CCDC148: variants seen among roughly 807,000 people sequenced by gnomAD.
CCDC148 encodes the protein coiled-coil domain-containing protein 148.
A neutral mutation model predicts 85.7 loss-of-function variants in CCDC148; 89 were observed. The ratio of observed to expected loss-of-function variants is 1.04; its 90% CI spans 0.87 to 1.24. CCDC148 has a LOEUF of 1.24. Ranked by LOEUF, CCDC148 falls within the 50% of genes most tolerant of loss-of-function variation. The probability of loss-of-function intolerance (pLI) is 0.00; values close to 1 mark genes in which losing one functional copy is unlikely to be tolerated. For missense variants in CCDC148, 692 were observed against 671.7 expected (o/e 1.03, Z -0.33); for synonymous variants, 230 against 213.9 (o/e 1.08, Z -0.66).
In CCDC148 at chr2:158,209,310, C is replaced by T. The variant is rs565338420; in HGVS notation, c.1370+11285G>A. Among the ~76,000 whole-genome samples, 230 of 152,178 alleles carry T rather than the reference C, an allele frequency of 1.5e-3. 2 individuals are homozygous for T. The highest frequency in any genetic ancestry group is 5.3e-3 in the African/African-American group (219 of 41,524). ...CTATACCAGCTAAGTTTCTGCCTAC[C>T]TAGCCCTGCAGCTTTATAAAATCTT... is the stretch of plus-strand genomic sequence containing the variant. On this transcript the variant is annotated intron_variant, in intron 11 of 13. Coordinates refer to ENST00000283233, the MANE Select transcript of CCDC148 (RefSeq NM_138803.4).
intron 1 of CCDC148, among the ~76,000 whole-genome samples, chr2:158,434,842 G>A (rs1574816256): frequency 6.6e-6 from 1 of 152,186 alleles, no homozygotes; most frequent in Non-Finnish European, 1.5e-5. Context: ...ACAAGCTTTA[G>A]TAGCCAATTT....
chr2:158,324,966 C>T (rs74551933), intron 7 of CCDC148, among the ~76,000 whole-genome samples: 3,870 of 152,048 alleles, frequency 0.025, 170 homozygotes, highest in African/African-American at 0.089. Context: ...TGTACTAAAT[C>T]CCAACTCTCC....
chr2:158,259,160 C>T (rs1296282812), intron 9 of CCDC148, among the ~76,000 whole-genome samples: 1 of 151,850 alleles, frequency 6.6e-6, no homozygotes, highest in Non-Finnish European at 1.5e-5. Context: ...TATTCAATCC[C>T]AAATTTCTGC....
chr2:158,433,832 G>T (rs7565386), intron 1 of CCDC148, among the ~76,000 whole-genome samples: 6 of 152,206 alleles, frequency 3.9e-5, no homozygotes, highest in Admixed American at 6.5e-5. Context: ...TATATCCTGT[G>T]CCTGGCTCAG....
chr2:158,266,461 C>G (rs1315877722), intron 9 of CCDC148, among the ~76,000 whole-genome samples: 2 of 152,118 alleles, frequency 1.3e-5, no homozygotes, highest in Admixed American at 1.3e-4. Context: ...CACCCACATT[C>G]TTTTTAAATT....
chr2:158,443,515 A>AAAAAAAGAAAAG (rs1553524478), intron 1 of CCDC148, among the ~76,000 whole-genome samples: 7,809 of 101,018 alleles, frequency 0.077, 290 homozygotes, highest in Admixed American at 0.16. Flanking sequence ...AAAAAAAAAA[A>AAAAAAAGAAAAG]AAAAAAAAGA....
chr2:158,428,407 GT>G (rs1157280631), intron 1 of CCDC148, among the ~76,000 whole-genome samples: 2 of 152,036 alleles, frequency 1.3e-5, no homozygotes, highest in Non-Finnish European at 2.9e-5. Context: ...GGAATAATTC[GT>G]TGAAATATGA....
intron 10 of CCDC148, among the ~76,000 whole-genome samples, chr2:158,238,789 C>T: frequency 6.6e-6 from 1 of 152,026 alleles, no homozygotes; most frequent in East Asian, 1.9e-4. Context: ...CTGAGTAAAC[C>T]AGGACAGGAC....
chr2:158,324,317 A>G (rs1692662566), intron 7 of CCDC148, among the ~76,000 whole-genome samples: 1 of 152,166 alleles, frequency 6.6e-6, no homozygotes, highest in Non-Finnish European at 1.5e-5. Context: ...AGAAAAAAAG[A>G]AAGTCCATGT....
At position 158,358,443 on chromosome 2, in the gene CCDC148, T is replaced by G. The variant is rs754994474; in HGVS notation, c.147+6A>C. ...TAGAAAAACACATACACACACAACTTCTAACCTTTAGCTTTGCAGAGGCAG... is the reference window on the plus strand; with the variant it reads ...TAGAAAAACACATACACACACAACTGCTAACCTTTAGCTTTGCAGAGGCAG... On this transcript the variant is annotated splice_donor_region_variant and intron_variant, in intron 2 of 13. Coordinates refer to ENST00000283233, the MANE Select transcript of CCDC148 (RefSeq NM_138803.4). 1 of 1,602,682 alleles carries G rather than the reference T, an allele frequency of 6.2e-7. No homozygotes were observed. The highest frequency in any genetic ancestry group is 8.5e-7 in the Non-Finnish European group (1 of 1,176,734).
At position 158,276,560 on chromosome 2, in the gene CCDC148, C is replaced by G. The variant is rs992205249; in HGVS notation, c.1111-25648G>C. On this transcript the variant is annotated intron_variant, in intron 9 of 13. Transcript: ENST00000283233. ...GACAGAGTGAGACTCAGTCTCAAAA[C>G]AAAACAAAACAAAACAAAACAAAAC... Among the ~76,000 whole-genome samples, 14 of 15,022 alleles carry G rather than the reference C, an allele frequency of 9.3e-4. No homozygotes were observed. The South Asian group carries it at 0.18, about 193-fold the overall frequency. The allele number at this position is 15,022 out of a possible 152,430, so 9.9% of individuals were successfully genotyped here.
intron 9 of CCDC148, among the ~76,000 whole-genome samples, chr2:158,278,480 C>T (rs1690076095): frequency 6.6e-6 from 1 of 152,218 alleles, no homozygotes; most frequent in African/African-American, 2.4e-5. Flanking sequence ...TTATATCCTG[C>T]ACCTGGCTGG....
chr2:158,290,930 C>T (rs1431626871), intron 9 of CCDC148, among the ~76,000 whole-genome samples: 7 of 151,950 alleles, frequency 4.6e-5, no homozygotes, highest in East Asian at 3.9e-4. Flanking sequence ...CCCAGTTCTG[C>T]CCATTCAACT....
intron 2 of CCDC148, among the ~76,000 whole-genome samples, chr2:158,355,333 T>C (rs1348737210): frequency 2.0e-5 from 3 of 152,024 alleles, no homozygotes; most frequent in Middle Eastern, 3.4e-3. Context: ...GAAAACCCCA[T>C]TGTCTCAGCC....
At chr2:158,286,031 A>G (rs1690608329) in intron 9 of CCDC148, among the ~76,000 whole-genome samples, 1 of 152,172 alleles carries the variant, frequency 6.6e-6, no homozygotes, top group Non-Finnish European at 1.5e-5. Flanking sequence ...TATCCTATAC[A>G]TGGACAACCT....
chr2:158,338,938 A>G, intron 6 of CCDC148, 31 bp from the exon 7 acceptor site: 1 of 1,599,550 alleles, frequency 6.3e-7, no homozygotes, highest in Non-Finnish European at 8.5e-7. Flanking sequence ...ATTTTATTTA[A>G]CATAAACGAC....
intron 11 of CCDC148, among the ~76,000 whole-genome samples, chr2:158,211,103 GCAGCAAACCACC>G (rs1686553630): frequency 5.3e-5 from 8 of 151,966 alleles, no homozygotes; most frequent in Admixed American, 1.3e-4. Flanking sequence ...GTTGATGGGT[GCAGCAAACCACC>G]ATGGCACGTG....
At chr2:158,282,750 A>C (rs978898249) in intron 9 of CCDC148, among the ~76,000 whole-genome samples, 20 of 152,290 alleles carry the variant, frequency 1.3e-4, no homozygotes, top group Admixed American at 6.5e-4. Flanking sequence ...GCTACCAATG[A>C]CTTTCTTCAC....
chr2:158,353,616 A>T, intron 2 of CCDC148, among the ~76,000 whole-genome samples: 1 of 152,070 alleles, frequency 6.6e-6, no homozygotes, highest in East Asian at 1.9e-4. Flanking sequence ...AGACTCCCAC[A>T]CATTAATAAT....
Sources: allele counts gnomAD v4.1 joint callset (sites outside exome capture counted in the v4.1 genomes callset), GRCh38; gene constraint gnomAD v4.1.1; transcripts MANE v1.5; gene names NCBI Gene and HGNC (gene_info 2026-07-23, HGNC 2026-07-21).